The following TRPM3 variants were observed in gnomAD, a reference collection of about 807,000 sequenced individuals.
The protein encoded by TRPM3 is transient receptor potential cation channel subfamily M member 3.
A neutral mutation model predicts 181.2 loss-of-function variants in TRPM3; 77 were observed. The ratio of observed to expected loss-of-function variants is 0.42; its 90% CI spans 0.35 to 0.51. The LOEUF is 0.51. Ranked by LOEUF, TRPM3 falls within the 20% of genes least tolerant of loss-of-function variation. The pLI is 0.01. For missense variants in TRPM3, 1,759 were observed against 2,196.7 expected, an observed-to-expected ratio of 0.80 and a Z score of 3.98; for synonymous variants, 745 against 796.4, an observed-to-expected ratio of 0.94 and a Z score of 1.09.
chr9:70,700,026 A>G (rs2071896185), intron 8 of TRPM3, among the ~76,000 whole-genome samples: 4 of 152,154 alleles, frequency 2.6e-5, no homozygotes, highest in Admixed American at 2.6e-4. Context: ...TGTGTTGCCC[A>G]GGCTGGAGTG....
chr9:71,142,218 T>C (rs898699991), intron 1 of TRPM3, among the ~76,000 whole-genome samples: 13 of 152,224 alleles, frequency 8.5e-5, no homozygotes, highest in Admixed American at 8.5e-4. Flanking sequence ...CTCAAGAGAG[T>C]GGCTTGAGCT....
intron 21 of TRPM3, among the ~76,000 whole-genome samples, chr9:70,594,128 G>A (rs10780952): frequency 0.79 from 117,786 of 148,506 alleles, 46,929 homozygotes; most frequent in Admixed American, 0.84. Context: ...ATGTTAAAAA[G>A]AAAGAAAGAA....
At chr9:70,968,911 A>C (rs1028895981) in intron 1 of TRPM3, among the ~76,000 whole-genome samples, 1 of 152,282 alleles carries the variant, frequency 6.6e-6, no homozygotes, top group East Asian at 1.9e-4. Context: ...TAAAAATCCT[A>C]GAAGAAAATC....
intron 1 of TRPM3, among the ~76,000 whole-genome samples, chr9:70,884,351 C>T (rs2096052010): frequency 6.6e-6 from 1 of 152,142 alleles, no homozygotes; most frequent in African/African-American, 2.4e-5. Context: ...ACTCTGATAC[C>T]ATGTTGGCAT....
At position 70,846,280 on chromosome 9, in the gene TRPM3, G is replaced by A. The variant is rs1430312311; in HGVS notation, c.676+98C>T. On this transcript the variant is annotated intron_variant, in intron 4 of 25. Transcript: ENST00000677713. The stretch of plus-strand genomic sequence containing the variant: ...CTATGGACCCATGGGTAGGGATGAA[G>A]TGGGGTGATATAGAAATAATTAATC... 2.6e-6 allele frequency: 3 copies of A among 1,136,440 alleles called. No homozygotes were observed. In the African/African-American group the frequency reaches 4.6e-5, roughly 17 times the overall value. The allele number at this position is 1,136,440 out of a possible 1,614,324, so 70.4% of individuals were successfully genotyped here. A position where few individuals can be genotyped will look rare whatever the true frequency, so the allele number is the denominator to read the frequency against.
intron 1 of TRPM3, among the ~76,000 whole-genome samples, chr9:70,908,541 G>C (rs925617169): frequency 3.3e-5 from 5 of 152,172 alleles, no homozygotes; most frequent in Admixed American, 3.3e-4. Context: ...AACTAAATAA[G>C]ACCTAAACAA....
chr9:70,606,730 CTTAT>C (rs566471649), intron 19 of TRPM3, among the ~76,000 whole-genome samples: 5 of 151,568 alleles, frequency 3.3e-5, no homozygotes, highest in African/African-American at 1.2e-4. Context: ...ACCTGTGAGT[CTTAT>C]TTAAGTAAGT....
At position 70,537,315 on chromosome 9, in the gene TRPM3, C is replaced by A. The variant is rs770423926; in HGVS notation, c.3798G>T (p.Ala1266=). Reference sequence around the variant, plus strand: ...TGCGCCCGATAAGGTCTTCCAGCTGCGCCAGCCGGATGTCCACGGTCTGGA... The same window carrying A: ...TGCGCCCGATAAGGTCTTCCAGCTGAGCCAGCCGGATGTCCACGGTCTGGA... ...ASLQTVDIRL[A]QLEDLIGRMA... is the part of the protein sequence containing the mutation. Residue 1266 remains alanine (A), a synonymous_variant, in exon 26 of 26, where the codon GCG becomes GCT. Coordinates refer to ENST00000677713, the MANE Select transcript of TRPM3 (RefSeq NM_001366145.2). 3 of 1,527,262 alleles carry A rather than the reference C, an allele frequency of 2.0e-6. No homozygotes were observed. The Admixed American group carries it at 6.4e-5, about 33-fold the overall frequency. The allele number at this position is 1,527,262 out of a possible 1,614,324, so 94.6% of individuals were successfully genotyped here.
chr9:70,581,366 T>C (rs2055600375), intron 22 of TRPM3, among the ~76,000 whole-genome samples: 1 of 152,196 alleles, frequency 6.6e-6, no homozygotes. Context: ...AGCAATTCAG[T>C]CAAACATCAC....
chr9:71,231,383 G>A (rs1193802302), intron 1 of TRPM3, among the ~76,000 whole-genome samples: 1 of 152,110 alleles, frequency 6.6e-6, no homozygotes, highest in African/African-American at 2.4e-5. Flanking sequence ...CACTGTTTTT[G>A]AATATGGAAC....
At chr9:70,897,280 A>G (rs2096292161) in intron 1 of TRPM3, among the ~76,000 whole-genome samples, 1 of 116,592 alleles carries the variant, frequency 8.6e-6, no homozygotes, top group South Asian at 2.7e-4. Context: ...CCACTATTTT[A>G]CTCACTGTCT....
intron 1 of TRPM3, chr9:70,868,914 G>T: frequency 2.3e-6 from 2 of 859,908 alleles, no homozygotes; most frequent in Non-Finnish European, 2.8e-6. Context: ...GTTGATCTTT[G>T]GTCTTCCTCT....
intron 1 of TRPM3, among the ~76,000 whole-genome samples, chr9:71,231,866 C>G (rs1373687053): frequency 6.6e-6 from 1 of 152,130 alleles, no homozygotes; most frequent in Non-Finnish European, 1.5e-5. Context: ...CATTCATATG[C>G]CAAACCTCAG....
intron 1 of TRPM3, among the ~76,000 whole-genome samples, chr9:71,392,509 G>T (rs758246093): frequency 1.3e-5 from 2 of 151,888 alleles, no homozygotes; most frequent in Non-Finnish European, 2.9e-5. Context: ...CTGGGTATTG[G>T]TTTTTTTCAG....
intron 1 of TRPM3, among the ~76,000 whole-genome samples, chr9:71,064,872 C>G (rs1261165815): frequency 1.3e-5 from 2 of 152,022 alleles, no homozygotes; most frequent in Admixed American, 1.3e-4. Context: ...CTTATTAGCC[C>G]AGAAACTCTT....
intron 8 of TRPM3, chr9:70,760,599 G>A: frequency 6.6e-6 from 1 of 151,556 alleles, no homozygotes; most frequent in East Asian, 1.9e-4. Context: ...GGAAGCTGCT[G>A]AAAGGTTTCT....
chr9:71,282,573 A>AT (rs890291056), intron 1 of TRPM3, among the ~76,000 whole-genome samples: 73 of 152,078 alleles, frequency 4.8e-4, no homozygotes, highest in African/African-American at 1.5e-3. Context: ...TAAAATTGTT[A>AT]TTTTTTTTAG....
intron 1 of TRPM3, among the ~76,000 whole-genome samples, chr9:71,134,333 G>A (rs1274065665): frequency 6.6e-6 from 1 of 151,904 alleles, no homozygotes; most frequent in Non-Finnish European, 1.5e-5. Context: ...GGGAGGCCAA[G>A]GGGGGAGGAT....
In TRPM3 at chr9:70,969,756, T is replaced by TTATATATATATATATATATATATA. The variant is rs78938143; in HGVS notation, c.178-105269_178-105246dup. Among the ~76,000 whole-genome samples the TTATATATATATATATATATATATA allele has an allele frequency of 8.1e-3, 1,009 of 123,966 alleles. 1 individual carries two copies. The highest frequency in any genetic ancestry group is 0.013 in the South Asian group (48 of 3,706). 81.3% of individuals were successfully genotyped at this position (123,966 alleles called of 152,430 possible). A position where few individuals can be genotyped will look rare whatever the true frequency, so the allele number is the denominator to read the frequency against. On this transcript the variant is annotated intron_variant, in intron 1 of 25. Transcript: ENST00000677713. ...GGATTGTTGTGAAGACTGAATGATT[T>TTATATATATATATATATATATATA]TATATATATATATATATATATATAC...
Sources: allele counts gnomAD v4.1 joint callset (sites outside exome capture counted in the v4.1 genomes callset), GRCh38; gene constraint gnomAD v4.1.1; transcripts MANE v1.5; gene names NCBI Gene and HGNC (gene_info 2026-07-23, HGNC 2026-07-21).